GEN1: variants seen among roughly 807,000 people sequenced by gnomAD.
The protein encoded by GEN1 is flap endonuclease GEN homolog 1.
In GEN1, 64 loss-of-function variants were observed where a neutral mutation model predicts 67.6. The observed-to-expected ratio is 0.95, with a 90% CI of 0.77 to 1.17. The LOEUF (loss-of-function observed/expected upper bound fraction) is 1.17. Among genes scored for constraint, GEN1 ranks in the 50% most tolerant of loss-of-function variants. GEN1 has a pLI of 0.00. For missense variants in GEN1, 1,058 were observed against 1,048.3 expected, an observed-to-expected ratio of 1.01 and a Z score of -0.13; for synonymous variants, 371 against 359.4, an observed-to-expected ratio of 1.03 and a Z score of -0.37.
At chr2:17,776,195 C>G (rs1672424377) in intron 11 of GEN1, among the ~76,000 whole-genome samples, 1 of 148,140 alleles carries the variant, frequency 6.8e-6, no homozygotes, top group Admixed American at 6.7e-5. Context: ...AAGTGAAAAA[C>G]GTTCTGTGGA....
rs763874036 is a variant in GEN1, at chr2:17,781,578, T to C, written c.2366T>C (p.Ile789Thr). ...RKVDMQTTRK[I>T]LMKKSVCLDR... ...GTTGATATGCAAACCACTCGGAAAA[T>C]TTTAATGAAGAAGAGTGTTTGCCTT... is the stretch of plus-strand genomic sequence containing the variant. Residue 789 changes from isoleucine (I) to threonine (T), a missense_variant, in exon 14 of 14, where the codon ATT becomes ACT. Ile to Thr is a moderately conservative substitution (Grantham distance 89). Transcript: ENST00000381254. The C allele has an allele frequency of 5.0e-6, 8 of 1,613,760 alleles. No individual in the cohort carries two copies. Among genetic ancestry groups the C allele is most frequent in the South Asian group, 1.1e-5 (1 of 91,076 alleles).
At position 17,787,111 on chromosome 2, in the gene GEN1, C is replaced by T. The variant is rs1443295855; in HGVS notation, c.*5172C>T. ...GCTGCTTCCTTATTGGCTAGATAAACCTCATCTATTAAGGACCAGCTCACA... is the reference window on the plus strand; with the variant it reads ...GCTGCTTCCTTATTGGCTAGATAAATCTCATCTATTAAGGACCAGCTCACA... On this transcript the variant is annotated 3_prime_UTR_variant, in exon 14 of 14. Coordinates refer to ENST00000381254, the MANE Select transcript of GEN1 (RefSeq NM_001130009.3). 2.6e-5 allele frequency: 4 copies of T among 152,140 alleles called. No individual in the cohort carries two copies. Among genetic ancestry groups the T allele is most frequent in the African/African-American group, 9.7e-5 (4 of 41,408 alleles). The allele number at this position is 152,140 out of a possible 1,614,324, so 9.4% of individuals were successfully genotyped here.
chr2:17,774,957 C>G (rs929989789), intron 11 of GEN1, among the ~76,000 whole-genome samples: 4 of 151,332 alleles, frequency 2.6e-5, no homozygotes, highest in African/African-American at 9.7e-5. Context: ...GGAAATTACT[C>G]AAAGAGACTA....
intron 11 of GEN1, among the ~76,000 whole-genome samples, chr2:17,777,189 A>T (rs1205966330): frequency 1.3e-5 from 2 of 152,176 alleles, no homozygotes; most frequent in African/African-American, 4.8e-5. Flanking sequence ...AAAAAAATGA[A>T]CACAGAGGGA....
rs763985908 is a variant in GEN1 at position 17,764,911 on chromosome 2, C to T, written c.363C>T (p.Leu121=). The T allele has an allele frequency of 2.9e-5, 47 of 1,613,416 alleles. No individual in the cohort carries two copies. Among genetic ancestry groups the T allele is most frequent in the South Asian group, 5.5e-5 (5 of 90,974 alleles). ...KSVLRECLHM[L]ECLGIPWVQA... is the part of the protein sequence containing the mutation. ...TTTGTTTTCAGTGCCTCCATATGCT[C>T]GAATGCTTAGGAATCCCCTGGGTTC... is the stretch of plus-strand genomic sequence containing the variant. Residue 121 remains leucine (L), a synonymous_variant, in exon 4 of 14, where the codon CTC becomes CTT. Coordinates refer to ENST00000381254, the MANE Select transcript of GEN1 (RefSeq NM_001130009.3).
chr2:17,760,193 G>A, intron 2 of GEN1, 89 bp downstream of exon 2: 1 of 1,251,852 alleles, frequency 8.0e-7, no homozygotes, highest in Non-Finnish European at 1.1e-6. Context: ...TTCTTTTGTT[G>A]TTGTTATTCT....
intron 1 of GEN1, among the ~76,000 whole-genome samples, chr2:17,758,853 C>CAA (rs1164735428): frequency 8.0e-5 from 7 of 87,366 alleles, no homozygotes; most frequent in Non-Finnish European, 9.4e-5. Flanking sequence ...GACCCTGTCT[C>CAA]AAAAAAAAAA....
intron 11 of GEN1, among the ~76,000 whole-genome samples, chr2:17,777,266 A>G (rs1421503789): frequency 6.6e-6 from 1 of 152,220 alleles, no homozygotes; most frequent in East Asian, 1.9e-4. Flanking sequence ...ATAATTTAAT[A>G]AACTGACTAG....
chr2:17,768,671 A>G (rs1389007986), intron 5 of GEN1, 67 bp from the exon 6 acceptor site: 2 of 1,139,182 alleles, frequency 1.8e-6, no homozygotes, highest in Admixed American at 3.8e-5. Flanking sequence ...CTTCCGTTCA[A>G]TTAATATACT....
Position 17,780,996 on chromosome 2 carries a change from T to C in GEN1, c.1784T>C (p.Phe595Ser), listed in dbSNP as rs374084262. 27 of 1,613,588 alleles carry C rather than the reference T, an allele frequency of 1.7e-5. No homozygotes were observed. The highest frequency in any genetic ancestry group is 1.9e-5 in the Non-Finnish European group (23 of 1,179,690). Residue 595 changes from phenylalanine (F) to serine (S), a missense_variant, in exon 14 of 14, where the codon TTT (phenylalanine) becomes TCT (serine). Physicochemically the swap from Phe to Ser is radical, Grantham distance 155. Transcript: ENST00000381254. ...ACTATTGACTGGGAAGGTACTTCTT[T>C]TAGTAATTCTCCAGCTATTCAAAGG... ...LSTIDWEGTS[F>S]SNSPAIQRNT...
At position 17,760,066 on chromosome 2, in the gene GEN1, C is replaced by CA. The variant is rs748084139; in HGVS notation, c.130dup (p.Met44AsnfsTer41). On this transcript the variant is annotated frameshift_variant, in exon 2 of 14. Coordinates refer to ENST00000381254, the MANE Select transcript of GEN1 (RefSeq NM_001130009.3). LOFTEE classifies it high-confidence loss of function. ...TCTGGGTGTGTGAGGCACAGACAGT[C>CA]AAAAAAATGATGGGCAGCGTCATGA... is the stretch of plus-strand genomic sequence containing the variant. The CA allele has an allele frequency of 6.2e-7, 1 of 1,612,970 alleles. No individual in the cohort carries two copies. Among genetic ancestry groups the CA allele is most frequent in the Non-Finnish European group, 8.5e-7 (1 of 1,179,638 alleles).
intron 5 of GEN1, among the ~76,000 whole-genome samples, chr2:17,767,601 T>A (rs1330885696): frequency 1.3e-5 from 2 of 152,148 alleles, no homozygotes; most frequent in Admixed American, 1.3e-4. Flanking sequence ...CCTTCTAAAG[T>A]AAAAGACGAT....
chr2:17,758,898 C>T (rs1230338720), intron 1 of GEN1, among the ~76,000 whole-genome samples: 1 of 151,644 alleles, frequency 6.6e-6, no homozygotes, highest in Non-Finnish European at 1.5e-5. Context: ...GCACTGGCCA[C>T]ACTATAAAAT....
Position 17,772,713 on chromosome 2 carries a change from C to T in GEN1, c.882C>T (p.Tyr294=), listed in dbSNP as rs1300677263. The change falls in exon 8 of 14, where the codon TAC becomes TAT. Residue 294 remains tyrosine, a synonymous_variant. Transcript: ENST00000381254. The part of the protein sequence containing the change: ...DKYCEPHDYE[Y]CCPCEWHRTE... ...ATTGTGAGCCACATGACTATGAATACTGCTGTCCTTGTGAGTGGCACCGTA... is the reference window on the plus strand; with the variant it reads ...ATTGTGAGCCACATGACTATGAATATTGCTGTCCTTGTGAGTGGCACCGTA... The T allele has an allele frequency of 1.9e-6, 3 of 1,611,670 alleles. No individual in the cohort carries two copies. Among genetic ancestry groups the T allele is most frequent in the Non-Finnish European group, 1.7e-6 (2 of 1,178,164 alleles).
chr2:17,766,623 A>C lies in GEN1; in HGVS notation c.570A>C (p.Lys190Asn). ...DCYTMSSIKSKLGLDRDALVG... is the reference protein window; with the variant it reads ...DCYTMSSIKSNLGLDRDALVG... ...ACACAATGTCATCTATCAAGAGTAA[A>C]CTAGGTTTGGATAGAGATGCTCTGG... is the stretch of plus-strand genomic sequence containing the variant. The change falls in exon 5 of 14, where the codon AAA becomes AAC. Residue 190 changes from lysine to asparagine, a missense_variant. By Grantham distance (94) the Lys-to-Asn change is moderately conservative. Coordinates refer to ENST00000381254, the MANE Select transcript of GEN1 (RefSeq NM_001130009.3). 1 of 1,609,704 alleles carries C rather than the reference A, an allele frequency of 6.2e-7. No homozygotes were observed. The highest frequency in any genetic ancestry group is 8.5e-7 in the Non-Finnish European group (1 of 1,176,452).
intron 2 of GEN1, 68 bp downstream of exon 2, chr2:17,760,172 C>T (rs1671607593): frequency 7.0e-7 from 1 of 1,421,056 alleles, no homozygotes; most frequent in Non-Finnish European, 9.5e-7. Flanking sequence ...GATTTTGTTT[C>T]ACCTTTTTTT....
chr2:17,756,539 A>G (rs1572385958), intron 1 of GEN1, among the ~76,000 whole-genome samples: 1 of 152,228 alleles, frequency 6.6e-6, no homozygotes, highest in East Asian at 1.9e-4. Context: ...TAGTAAAAAA[A>G]ACTAAAAAGC....
intron 13 of GEN1, 71 bp from the exon 14 acceptor site, chr2:17,780,550 T>G (rs2125176758): frequency 9.6e-7 from 1 of 1,046,300 alleles, no homozygotes; most frequent in South Asian, 1.7e-5. Flanking sequence ...GAACTGTTTA[T>G]TTTTTTATTT....
intron 1 of GEN1, among the ~76,000 whole-genome samples, chr2:17,756,289 T>G (rs1300675569): frequency 6.6e-6 from 1 of 152,198 alleles, no homozygotes; most frequent in Non-Finnish European, 1.5e-5. Context: ...GTAAGCTAAA[T>G]CAATTTAAGC....
Sources: gnomAD v4.1 joint callset for allele counts (sites outside exome capture counted in the v4.1 genomes callset) on GRCh38, gnomAD v4.1.1 for gene constraint, MANE v1.5 for transcripts, NCBI Gene and HGNC (gene_info 2026-07-23, HGNC 2026-07-21) for gene names.